The following WDPCP variants were observed in gnomAD, a reference collection of about 807,000 sequenced individuals.
WDPCP encodes the protein WD repeat containing planar cell polarity effector.
A neutral mutation model predicts 93.1 loss-of-function variants in WDPCP; 71 were observed. The ratio of observed to expected loss-of-function variants is 0.76; its 90% confidence interval spans 0.63 to 0.93. WDPCP has a LOEUF of 0.93. Among genes scored for constraint, WDPCP ranks in the 40% least tolerant of loss-of-function variants. The probability of loss-of-function intolerance (pLI) is 0.00; values close to 1 mark genes in which losing one functional copy is unlikely to be tolerated. For missense variants in WDPCP, 844 were observed against 887.4 expected (o/e 0.95, Z 0.62); for synonymous variants, 315 against 315.0 (o/e 1.00, Z 0.00).
intron 13 of WDPCP, among the ~76,000 whole-genome samples, chr2:63,305,587 C>T (rs1203236012): frequency 2.6e-5 from 4 of 152,116 alleles, no homozygotes; most frequent in African/African-American, 9.7e-5. Flanking sequence ...GATAAATCCA[C>T]AAAGATGAGG....
chr2:63,200,592 C>T (rs915446282), intron 14 of WDPCP, among the ~76,000 whole-genome samples: 3 of 152,148 alleles, frequency 2.0e-5, no homozygotes, highest in African/African-American at 7.2e-5. Context: ...ACAAACTTAT[C>T]ATGTTCACTT....
chr2:63,839,115 A>G, the WDPCP span, among the ~76,000 whole-genome samples: 1 of 152,190 alleles, frequency 6.6e-6, no homozygotes, highest in Non-Finnish European at 1.5e-5. Context: ...CTTTGGTACT[A>G]TATCTCAATA....
At chr2:63,179,199 C>CA (rs1553550147) in intron 14 of WDPCP, among the ~76,000 whole-genome samples, 7 of 110,990 alleles carry the variant, frequency 6.3e-5, no homozygotes, top group African/African-American at 2.1e-4. Context: ...GACCCTGTCT[C>CA]GGGGGGAAAA....
chr2:63,313,406 G>A, intron 12 of WDPCP, 95 bp from the exon 13 acceptor site: 1 of 1,246,948 alleles, frequency 8.0e-7, no homozygotes, highest in Non-Finnish European at 1.1e-6. Flanking sequence ...TACTGTTTTT[G>A]TCCTTCTGAT....
rs1022170676 is a variant in WDPCP at position 63,773,857 on chromosome 2, C to T, written n.308+39765G>A. Among the ~76,000 whole-genome samples the T allele has an allele frequency of 3.3e-5, 5 of 151,900 alleles. No homozygotes were observed. The East Asian group carries it at 7.7e-4, about 23-fold the overall frequency. On this transcript the variant is annotated intron_variant and non_coding_transcript_variant, in intron 2 of 4. Coordinates refer to the WDPCP transcript ENST00000467687. Reference sequence around the variant, plus strand: ...TTTTAGTGTTGGAAACTGATAAAAACGTTGAGTATTGGCTGACTCTGAGCA... The same window carrying T: ...TTTTAGTGTTGGAAACTGATAAAAATGTTGAGTATTGGCTGACTCTGAGCA...
intron 17 of WDPCP, among the ~76,000 whole-genome samples, chr2:63,136,207 C>G (rs1358200081): frequency 6.6e-6 from 1 of 152,112 alleles, no homozygotes; most frequent in Non-Finnish European, 1.5e-5. Context: ...GACTTTTACC[C>G]AAACAGTTTT....
chr2:63,816,392 G>A (rs1655133297), intron 1 of WDPCP, among the ~76,000 whole-genome samples: 1 of 152,132 alleles, frequency 6.6e-6, no homozygotes, highest in South Asian at 2.1e-4. Context: ...GCCTATATTT[G>A]GGAAAAGGAT....
At chr2:63,356,333 C>A (rs919028428) in intron 12 of WDPCP, among the ~76,000 whole-genome samples, 1 of 152,102 alleles carries the variant, frequency 6.6e-6, no homozygotes, top group African/African-American at 2.4e-5. Flanking sequence ...AATAGTGGGA[C>A]ACTTCAACAC....
chr2:63,186,181 C>T lies in WDPCP; in HGVS notation c.1916-11349G>A, dbSNP rs6738175. Among the ~76,000 whole-genome samples, 15 of 152,324 alleles carry T rather than the reference C, an allele frequency of 9.8e-5. No individual in the cohort carries two copies. In the Middle Eastern group the frequency reaches 0.01, roughly 104 times the overall value. ...GGGCACTCAGGAAAGTCAGTGCAGACTGGCTTTAGATCACAGTGCCATCCC... is the reference window on the plus strand; with the variant it reads ...GGGCACTCAGGAAAGTCAGTGCAGATTGGCTTTAGATCACAGTGCCATCCC... On this transcript the variant is annotated intron_variant, in intron 14 of 17. Coordinates refer to ENST00000272321, the MANE Select transcript of WDPCP (RefSeq NM_015910.7).
intron 1 of WDPCP, among the ~76,000 whole-genome samples, chr2:63,557,649 T>C (rs779258219): frequency 2.0e-5 from 3 of 151,792 alleles, no homozygotes; most frequent in Non-Finnish European, 4.4e-5. Context: ...CAAGTAGACT[T>C]GACAGACATC....
chr2:63,156,876 G>A (rs1005199688), intron 15 of WDPCP, among the ~76,000 whole-genome samples: 2 of 152,156 alleles, frequency 1.3e-5, no homozygotes, highest in African/African-American at 4.8e-5. Flanking sequence ...TTAGTACAGT[G>A]TTCCATAAGA....
intron 14 of WDPCP, among the ~76,000 whole-genome samples, chr2:63,176,486 A>G (rs1443794707): frequency 6.6e-6 from 1 of 152,150 alleles, no homozygotes; most frequent in African/African-American, 2.4e-5. Flanking sequence ...CCTGGGGTCA[A>G]GCAATCTTCC....
intron 14 of WDPCP, among the ~76,000 whole-genome samples, chr2:63,214,252 C>T (rs1677108762): frequency 6.6e-6 from 1 of 152,178 alleles, no homozygotes; most frequent in Admixed American, 6.5e-5. Context: ...AATCCAGCCG[C>T]ACATCAAAAA....
intron 1 of WDPCP, among the ~76,000 whole-genome samples, chr2:63,530,676 A>G (rs1703760461): frequency 5.9e-5 from 9 of 152,194 alleles, no homozygotes. Context: ...AACAGGATCC[A>G]TGCAACTGGC....
chr2:63,796,508 C>G (rs750747035), intron 2 of WDPCP, among the ~76,000 whole-genome samples: 1 of 152,224 alleles, frequency 6.6e-6, no homozygotes, highest in Non-Finnish European at 1.5e-5. Context: ...CCTCCCCCAT[C>G]CCCTGGCAGT....
chr2:63,273,771 G>C (rs1219570785), intron 13 of WDPCP, among the ~76,000 whole-genome samples: 1 of 151,620 alleles, frequency 6.6e-6, no homozygotes, highest in African/African-American at 2.4e-5. Flanking sequence ...CAGCAAGAGG[G>C]TCTAACAACT....
intron 14 of WDPCP, among the ~76,000 whole-genome samples, chr2:63,177,878 T>C (rs1394331206): frequency 2.0e-5 from 3 of 152,170 alleles, no homozygotes; most frequent in African/African-American, 7.2e-5. Context: ...CTTTATTATG[T>C]TGGAGTATTA....
chr2:63,575,527 A>G (rs1250838741), intron 1 of WDPCP, among the ~76,000 whole-genome samples: 1 of 130,460 alleles, frequency 7.7e-6, no homozygotes, highest in African/African-American at 2.7e-5. Context: ...TAGTATATAC[A>G]GTATATACAC....
At position 63,657,177 on chromosome 2, in the gene WDPCP, C is replaced by T. The variant is rs116314068; in HGVS notation, n.309-6339G>A. Among the ~76,000 whole-genome samples the T allele has an allele frequency of 9.0e-3, 1,297 of 144,812 alleles. 18 individuals are homozygous for T. The highest frequency in any genetic ancestry group is 0.031 in the African/African-American group (1,197 of 39,068). On this transcript the variant is annotated intron_variant and non_coding_transcript_variant, in intron 2 of 4. Transcript: ENST00000467687. The stretch of plus-strand genomic sequence containing the variant: ...CTGTGAATTATTGGGGAGGGTTTTG[C>T]GTACAGATGAGACAGGTTCTGGGTG...
Sources: allele counts gnomAD v4.1 joint callset (sites outside exome capture counted in the v4.1 genomes callset), GRCh38; gene constraint gnomAD v4.1.1; transcripts MANE v1.5; gene names NCBI Gene and HGNC (gene_info 2026-07-23, HGNC 2026-07-21).